GTF2E2: variants seen among roughly 807,000 people sequenced by gnomAD.
GTF2E2 encodes general transcription factor IIE subunit 2.
A neutral mutation model predicts 40.5 loss-of-function variants in GTF2E2; 21 were observed. The ratio of observed to expected loss-of-function variants is 0.52; its 90% CI spans 0.37 to 0.75. The LOEUF is 0.75. Ranked by LOEUF, GTF2E2 falls within the 30% of genes least tolerant of loss-of-function variation. The pLI is 0.00. For synonymous variants in GTF2E2, 117 were observed against 121.6 expected (o/e 0.96, Z 0.25); for missense variants, 298 against 338.4 (o/e 0.88, Z 0.94).
intron 3 of GTF2E2, among the ~76,000 whole-genome samples, chr8:30,619,323 G>C (rs1422883261): frequency 6.6e-6 from 1 of 151,068 alleles, no homozygotes; most frequent in Non-Finnish European, 1.5e-5. Context: ...CCTTCTATGA[G>C]TTTAAAATCA....
intron 2 of GTF2E2, among the ~76,000 whole-genome samples, chr8:30,639,522 T>C (rs1801734686): frequency 6.6e-6 from 1 of 152,282 alleles, no homozygotes; most frequent in East Asian, 1.9e-4. Flanking sequence ...AAGAACTGGT[T>C]AAGAAAGGAG....
intron 6 of GTF2E2, among the ~76,000 whole-genome samples, chr8:30,602,556 A>G (rs1253832307): frequency 6.6e-6 from 1 of 152,108 alleles, no homozygotes; most frequent in Non-Finnish European, 1.5e-5. Flanking sequence ...CGGGAGTCTG[A>G]GACCAGACTG....
chr8:30,642,666 G>A (rs2978258), intron 2 of GTF2E2, among the ~76,000 whole-genome samples: 124,456 of 152,164 alleles, frequency 0.82, 51,667 homozygotes, highest in African/African-American at 0.95. Context: ...AAGAGTATAT[G>A]TTTTCCCTCT....
intron 6 of GTF2E2, among the ~76,000 whole-genome samples, chr8:30,585,772 TAAAAAAAAAAAA>T (rs146018850): frequency 1.6e-4 from 11 of 67,660 alleles, no homozygotes; most frequent in East Asian, 1.3e-3. Flanking sequence ...CTTTGCCCTT[TAAAAAAAAAAAA>T]AAAAAAAAAA....
At position 30,618,016 on chromosome 8, in the gene GTF2E2, A is replaced by C. The variant is rs140809596; in HGVS notation, c.259-3301T>G. Among the ~76,000 whole-genome samples, 1,429 of 152,280 alleles carry C rather than the reference A, an allele frequency of 9.4e-3. 94 individuals are homozygous for C. The highest frequency in any genetic ancestry group is 0.078 in the Admixed American group (1,186 of 15,286). On this transcript the variant is annotated intron_variant, in intron 3 of 7. Transcript: ENST00000355904. ...TCCATTTAAAAGTTATGCTTTACTT[A>C]GGCTGGGCACAGTGGCTCATGCCTG...
chr8:30,654,564 A>C (rs757873346), intron 1 of GTF2E2, among the ~76,000 whole-genome samples: 3 of 152,070 alleles, frequency 2.0e-5, no homozygotes, highest in Non-Finnish European at 4.4e-5. Context: ...CACCACACAC[A>C]GTTAATTTTT....
At chr8:30,651,517 G>T (rs1401571727) in intron 2 of GTF2E2, among the ~76,000 whole-genome samples, 1 of 152,088 alleles carries the variant, frequency 6.6e-6, no homozygotes, top group Non-Finnish European at 1.5e-5. Context: ...CACTCTGGGA[G>T]GCTGAGGTAG....
At chr8:30,585,772 TAAAAAAAAAAAAAAAAAA>T (rs146018850) in intron 6 of GTF2E2, among the ~76,000 whole-genome samples, 5 of 67,620 alleles carry the variant, frequency 7.4e-5, no homozygotes, top group Admixed American at 2.1e-4. Flanking sequence ...CTTTGCCCTT[TAAAAAAAAAAAAAAAAAA>T]AAAAAAAAAA....
chr8:30,594,827 A>C (rs1828954203), intron 6 of GTF2E2, among the ~76,000 whole-genome samples: 1 of 151,662 alleles, frequency 6.6e-6, no homozygotes, highest in Admixed American at 6.6e-5. Context: ...ACTGCACTCC[A>C]GCCTGGGCAA....
intron 3 of GTF2E2, among the ~76,000 whole-genome samples, chr8:30,618,125 GTC>G (rs773080507): frequency 3.3e-5 from 5 of 152,042 alleles, no homozygotes; most frequent in Non-Finnish European, 5.9e-5. Context: ...AGTGAAATCT[GTC>G]TCTATTAAAA....
chr8:30,602,578 GA>G (rs1829212406), intron 6 of GTF2E2, among the ~76,000 whole-genome samples: 1 of 151,984 alleles, frequency 6.6e-6, no homozygotes, highest in Non-Finnish European at 1.5e-5. Flanking sequence ...CCAACATGGA[GA>G]AACCTGGTCT....
intron 2 of GTF2E2, among the ~76,000 whole-genome samples, chr8:30,639,367 C>T (rs1297387945): frequency 7.1e-4 from 108 of 152,056 alleles, no homozygotes; most frequent in Non-Finnish European, 1.3e-4. Context: ...AAACAAAAAC[C>T]TTCTTAAATA....
At chr8:30,637,258 AT>A (rs1365757385) in intron 2 of GTF2E2, 1 of 456,132 alleles carries the variant, frequency 2.2e-6, no homozygotes, top group Non-Finnish European at 4.4e-6. Context: ...ACGCAACTGT[AT>A]AAACAACTGG....
At chr8:30,588,009 G>C (rs1315652116) in intron 6 of GTF2E2, among the ~76,000 whole-genome samples, 3 of 151,632 alleles carry the variant, frequency 2.0e-5, no homozygotes, top group Admixed American at 6.6e-5. Flanking sequence ...AGGAGAAAGA[G>C]AAGTACAATG....
intron 3 of GTF2E2, among the ~76,000 whole-genome samples, chr8:30,616,670 G>A (rs997369625): frequency 1.3e-5 from 2 of 152,026 alleles, no homozygotes; most frequent in East Asian, 3.9e-4. Flanking sequence ...ATTTGTCAAC[G>A]TAGGTTCATT....
chr8:30,580,290 T>C lies in GTF2E2; in HGVS notation c.750A>G (p.Pro250=). 6.3e-7 allele frequency: 1 copy of C among 1,581,250 alleles called. No homozygotes were observed. Among genetic ancestry groups the C allele is most frequent in the South Asian group, 1.1e-5 (1 of 90,388 alleles). ...GCTAGAGATTACGCACCACTTTCTTTGGTCCAGATTCCTGCATGGAAGAAA... is the reference window on the plus strand; with the variant it reads ...GCTAGAGATTACGCACCACTTTCTTCGGTCCAGATTCCTGCATGGAAGAAA... ...QGISSMQESG[P]KKVAPIQRRK... The change falls in exon 7 of 8, where the codon CCA becomes CCG. Residue 250 remains proline, a synonymous_variant. Coordinates refer to ENST00000355904, the MANE Select transcript of GTF2E2 (RefSeq NM_002095.6).
chr8:30,631,115 C>G (rs1801428000), intron 3 of GTF2E2, among the ~76,000 whole-genome samples: 1 of 152,106 alleles, frequency 6.6e-6, no homozygotes, highest in Non-Finnish European at 1.5e-5. Flanking sequence ...GCAACTTCCA[C>G]CTCCCAGGCT....
chr8:30,639,264 A>G (rs1801724703), intron 2 of GTF2E2, among the ~76,000 whole-genome samples: 1 of 152,208 alleles, frequency 6.6e-6, no homozygotes, highest in East Asian at 1.9e-4. Context: ...TACACTGAAC[A>G]GATAATTTAT....
intron 2 of GTF2E2, among the ~76,000 whole-genome samples, chr8:30,653,106 A>G (rs1445784372): frequency 6.6e-6 from 1 of 152,224 alleles, no homozygotes; most frequent in Non-Finnish European, 1.5e-5. Flanking sequence ...GGTGATGGAA[A>G]TGTTCTAAAA....
Sources: gnomAD v4.1 joint callset for allele counts (sites outside exome capture counted in the v4.1 genomes callset) on GRCh38, gnomAD v4.1.1 for gene constraint, MANE v1.5 for transcripts, NCBI Gene and HGNC (gene_info 2026-07-23, HGNC 2026-07-21) for gene names.